NPAS3: variants seen among roughly 807,000 people sequenced by gnomAD.
The protein encoded by NPAS3 is neuronal PAS domain protein 3, also known as neuronal PAS domain-containing protein 3.
In NPAS3, 14 loss-of-function variants were observed where a neutral mutation model predicts 73.1. That is an observed-to-expected ratio of 0.19 (90% CI 0.13 to 0.30). The LOEUF (loss-of-function observed/expected upper bound fraction) is 0.30. NPAS3 is among the 10% of genes least tolerant of loss of function. NPAS3 has a pLI of 1.00. For missense variants in NPAS3, 1,096 were observed against 1,250.0 expected (o/e 0.88, Z 1.86); for synonymous variants, 620 against 541.5 (o/e 1.14, Z -2.01).
At position 33,653,844 on chromosome 14, in the gene NPAS3, T is replaced by A. The variant is rs2059068720; in HGVS notation, c.559-22367T>A. On this transcript the variant is annotated intron_variant, in intron 5 of 11. Coordinates refer to ENST00000356141, the Ensembl canonical transcript of NPAS3. ...ACACTGCATGATTGGAAGTTTTAGGTAAACCATTTTATTCCTAACTAAAAC... is the reference window on the plus strand; with the variant it reads ...ACACTGCATGATTGGAAGTTTTAGGAAAACCATTTTATTCCTAACTAAAAC... 2.0e-5 allele frequency among the ~76,000 whole-genome samples: 3 copies of A among 152,216 alleles called. No homozygotes were observed. In the South Asian group the frequency reaches 6.2e-4, roughly 32 times the overall value.
chr14:33,173,631 T>G (rs1022508471), intron 2 of NPAS3, among the ~76,000 whole-genome samples: 15 of 152,214 alleles, frequency 9.9e-5, no homozygotes, highest in African/African-American at 3.4e-4. Context: ...ATACTGAATG[T>G]AGGAAAATAA....
intron 2 of NPAS3, among the ~76,000 whole-genome samples, chr14:33,212,068 G>A (rs887561418): frequency 6.6e-6 from 1 of 152,052 alleles, no homozygotes; most frequent in Non-Finnish European, 1.5e-5. Context: ...GTTTATTTTG[G>A]GTTTTAATAT....
chr14:33,663,186 A>G (rs1216391179), intron 5 of NPAS3, among the ~76,000 whole-genome samples: 1 of 152,122 alleles, frequency 6.6e-6, no homozygotes, highest in African/African-American at 2.4e-5. Flanking sequence ...TTGCCCATTC[A>G]GTGTGATATT....
chr14:33,157,763 A>G (rs1214321503), intron 2 of NPAS3, among the ~76,000 whole-genome samples: 3 of 152,208 alleles, frequency 2.0e-5, no homozygotes, highest in African/African-American at 4.8e-5. Context: ...ATCTGGAGCT[A>G]GGTCGCCTGG....
At chr14:33,785,569 A>G (rs937008754) in intron 9 of NPAS3, among the ~76,000 whole-genome samples, 6 of 152,172 alleles carry the variant, frequency 3.9e-5, no homozygotes, top group African/African-American at 1.4e-4. Context: ...TATTTTTTAA[A>G]TTGTTTCCTG....
intron 1 of NPAS3, among the ~76,000 whole-genome samples, chr14:32,997,165 T>C (rs139816519): frequency 0.061 from 9,251 of 152,252 alleles, 384 homozygotes; most frequent in Middle Eastern, 0.16. Context: ...TGTAGCCCCT[T>C]TGTTTTGGCC....
At chr14:33,664,802 CAGTG>C (rs1356085211) in intron 5 of NPAS3, among the ~76,000 whole-genome samples, 1 of 152,192 alleles carries the variant, frequency 6.6e-6, no homozygotes, top group Non-Finnish European at 1.5e-5. Context: ...ATCAAAACCA[CAGTG>C]AGATACCATC....
intron 2 of NPAS3, among the ~76,000 whole-genome samples, chr14:33,087,006 G>A (rs2042046512): frequency 6.6e-6 from 1 of 151,674 alleles, no homozygotes; most frequent in South Asian, 2.1e-4. Flanking sequence ...ACAAAGCCAA[G>A]AATTTTCCAT....
intron 5 of NPAS3, among the ~76,000 whole-genome samples, chr14:33,656,085 G>T (rs1177928254): frequency 1.3e-5 from 2 of 152,120 alleles, no homozygotes; most frequent in Non-Finnish European, 2.9e-5. Flanking sequence ...CAAAAAATAA[G>T]TTTAGTATCG....
intron 4 of NPAS3, among the ~76,000 whole-genome samples, chr14:33,452,910 CTCT>C (rs1418814085): frequency 1.3e-5 from 2 of 151,984 alleles, no homozygotes; most frequent in African/African-American, 4.8e-5. Context: ...TAAGCTCCCT[CTCT>C]TCTTGTAATT....
chr14:33,091,944 A>G (rs2042240643), intron 2 of NPAS3, among the ~76,000 whole-genome samples: 1 of 152,226 alleles, frequency 6.6e-6, no homozygotes, highest in African/African-American at 2.4e-5. Context: ...AAAACTCTTA[A>G]TAAATTAGGT....
chr14:33,470,406 G>A (rs1049033671), intron 4 of NPAS3, among the ~76,000 whole-genome samples: 4 of 152,126 alleles, frequency 2.6e-5, no homozygotes, highest in Non-Finnish European at 5.9e-5. Flanking sequence ...ATAAAGAAGT[G>A]TCTTGCATGA....
chr14:33,291,225 A>G (rs1426640483), intron 3 of NPAS3, among the ~76,000 whole-genome samples: 1 of 152,214 alleles, frequency 6.6e-6, no homozygotes, highest in Non-Finnish European at 1.5e-5. Flanking sequence ...GCTTCTGTTT[A>G]GATAACAGAT....
intron 7 of NPAS3, among the ~76,000 whole-genome samples, chr14:33,741,806 TAC>T (rs2061661561): frequency 6.6e-6 from 1 of 152,172 alleles, no homozygotes; most frequent in Admixed American, 6.5e-5. Context: ...CATTTTCCGC[TAC>T]AGAGATTTCA....
chr14:32,972,904 A>G (rs1180071219), intron 1 of NPAS3, among the ~76,000 whole-genome samples: 3 of 152,224 alleles, frequency 2.0e-5, no homozygotes, highest in Non-Finnish European at 4.4e-5. Flanking sequence ...CACAATGGAC[A>G]ACCGCTACTG....
chr14:33,448,056 T>C (rs1221447923), intron 4 of NPAS3, among the ~76,000 whole-genome samples: 1 of 152,216 alleles, frequency 6.6e-6, no homozygotes, highest in East Asian at 1.9e-4. Context: ...TAGATAGTGA[T>C]AATGATAAGT....
chr14:33,725,807 T>C (rs1566471062), intron 6 of NPAS3, among the ~76,000 whole-genome samples: 1 of 152,076 alleles, frequency 6.6e-6, no homozygotes, highest in Non-Finnish European at 1.5e-5. Context: ...CAATCCCAGG[T>C]GGTTTCCCTA....
rs773540712 is a variant in NPAS3, at chr14:33,708,058, C to CA, written c.734-27147dup. Among the ~76,000 whole-genome samples the CA allele has an allele frequency of 9.6e-4, 144 of 150,504 alleles. 1 individual carries two copies. The highest frequency in any genetic ancestry group is 5.8e-3 in the East Asian group (30 of 5,146). On this transcript the variant is annotated intron_variant, in intron 6 of 11. Coordinates refer to ENST00000356141, the Ensembl canonical transcript of NPAS3. ...TACTTGGCAAGTCATCGAGCAGCCACAAAAAAAAACACAAAAAAGCAGCAG... is the reference window on the plus strand; with the variant it reads ...TACTTGGCAAGTCATCGAGCAGCCACAAAAAAAAAACACAAAAAAGCAGCAG...
intron 5 of NPAS3, among the ~76,000 whole-genome samples, chr14:33,651,158 A>G (rs927896424): frequency 6.6e-6 from 1 of 152,060 alleles, no homozygotes; most frequent in Admixed American, 6.6e-5. Flanking sequence ...ACCTCCTACA[A>G]CTTAGGCTGT....
Sources: allele counts gnomAD v4.1 joint callset (sites outside exome capture counted in the v4.1 genomes callset), GRCh38; gene constraint gnomAD v4.1.1; transcripts MANE v1.5; gene names NCBI Gene and HGNC (gene_info 2026-07-23, HGNC 2026-07-21).